The following XKR9 variants were observed in gnomAD, a reference collection of about 807,000 sequenced individuals.
XKR9 encodes XK related 9, also known as XK-related protein 9.
XKR9 carries 32 observed loss-of-function variants against 32.0 expected under a neutral mutation model. The observed-to-expected ratio is 1.00, with a 90% CI of 0.76 to 1.34. XKR9 has a LOEUF of 1.34. Ranked by LOEUF, XKR9 falls within the 40% of genes most tolerant of loss-of-function variation. The pLI, the probability that XKR9 is intolerant of heterozygous loss-of-function variation, is 0.00. For synonymous variants in XKR9, 168 were observed against 143.4 expected, an observed-to-expected ratio of 1.17 and a Z score of -1.22; for missense variants, 546 against 429.7, an observed-to-expected ratio of 1.27 and a Z score of -2.39.
chr8:70,947,182 G>C, the XKR9 span, among the ~76,000 whole-genome samples: 5 of 152,312 alleles, frequency 3.3e-5, no homozygotes, highest in East Asian at 9.6e-4. Flanking sequence ...TCTATCTGAA[G>C]ACCTGAAAAT....
At chr8:70,772,068 A>G (rs574018945) in intron 2 of XKR9, among the ~76,000 whole-genome samples, 1 of 152,348 alleles carries the variant, frequency 6.6e-6, no homozygotes, top group African/African-American at 2.4e-5. Flanking sequence ...GAGATGGTCC[A>G]TCCAAGTACC....
At chr8:70,766,320 C>T (rs1203384649) in intron 2 of XKR9, among the ~76,000 whole-genome samples, 1 of 152,180 alleles carries the variant, frequency 6.6e-6, no homozygotes, top group Admixed American at 6.5e-5. Context: ...AGGTCCTTTA[C>T]ATCCTTTGTA....
the XKR9 span, among the ~76,000 whole-genome samples, chr8:71,006,347 G>A: frequency 6.6e-6 from 1 of 151,322 alleles, no homozygotes; most frequent in African/African-American, 2.4e-5. Context: ...TTTTTTTTTA[G>A]CTCACTAGCT....
At chr8:70,877,981 C>T in the XKR9 span, among the ~76,000 whole-genome samples, 1 of 152,176 alleles carries the variant, frequency 6.6e-6, no homozygotes, top group African/African-American at 2.4e-5. Context: ...ACCCTATAAG[C>T]CAGAAGAGAG....
At chr8:70,952,153 TACAC>T in the XKR9 span, among the ~76,000 whole-genome samples, 38,142 of 147,992 alleles carry the variant, frequency 0.26, 5,664 homozygotes, top group Admixed American at 0.38. Flanking sequence ...AGAAAACCTT[TACAC>T]ACACACACAC....
At chr8:70,828,222 ATTGT>A in the XKR9 span, among the ~76,000 whole-genome samples, 4 of 152,222 alleles carry the variant, frequency 2.6e-5, no homozygotes, top group Admixed American at 1.3e-4. Flanking sequence ...CAAACAGCAC[ATTGT>A]TTGGTTTGTA....
the XKR9 span, among the ~76,000 whole-genome samples, chr8:70,905,866 G>T: frequency 2.6e-4 from 39 of 152,234 alleles, no homozygotes; most frequent in African/African-American, 9.2e-4. Flanking sequence ...CTCAGCTGCA[G>T]GTCTGTTGGA....
chr8:70,794,914 A>G (rs185930857), downstream of XKR9, among the ~76,000 whole-genome samples: 595 of 151,666 alleles, frequency 3.9e-3, 5 homozygotes, highest in African/African-American at 0.014. Context: ...GAAAGTTTTG[A>G]TTCTCTTCTG....
the XKR9 span, among the ~76,000 whole-genome samples, chr8:70,976,807 T>G: frequency 3.3e-5 from 5 of 152,226 alleles, no homozygotes; most frequent in Non-Finnish European, 7.3e-5. Context: ...CAGCTCCTGT[T>G]TGTACCTGTG....
At chr8:71,014,283 C>T in the XKR9 span, among the ~76,000 whole-genome samples, 5 of 152,170 alleles carry the variant, frequency 3.3e-5, no homozygotes, top group East Asian at 7.7e-4. Flanking sequence ...ATTCATTTTC[C>T]GGGGCTGCTG....
intron 2 of XKR9, among the ~76,000 whole-genome samples, chr8:70,750,478 T>C (rs934873733): frequency 6.6e-6 from 1 of 152,210 alleles, no homozygotes; most frequent in South Asian, 2.1e-4. Flanking sequence ...AATAACTGAT[T>C]GGTTACCACT....
intron 4 of XKR9, among the ~76,000 whole-genome samples, chr8:70,720,653 T>A (rs1159517554): frequency 2.6e-5 from 4 of 152,224 alleles, no homozygotes; most frequent in Non-Finnish European, 4.4e-5. Context: ...TGAAGCTGAC[T>A]TGATCGTGGT....
At chr8:70,703,598 G>A (rs1033373053) in intron 3 of XKR9, among the ~76,000 whole-genome samples, 4 of 152,046 alleles carry the variant, frequency 2.6e-5, no homozygotes, top group African/African-American at 7.2e-5. Flanking sequence ...AGGTTTCAAC[G>A]TATGAATTTT....
the XKR9 span, among the ~76,000 whole-genome samples, chr8:70,945,137 TG>T: frequency 6.6e-6 from 1 of 152,234 alleles, no homozygotes; most frequent in East Asian, 1.9e-4. Flanking sequence ...ACTTTATCAT[TG>T]TTAATTTGAA....
chr8:71,061,053 G>T, the XKR9 span, among the ~76,000 whole-genome samples: 35 of 152,328 alleles, frequency 2.3e-4, no homozygotes, highest in African/African-American at 8.2e-4. Flanking sequence ...ATCCCATGAG[G>T]TAGGTAGTTT....
intron 3 of XKR9, among the ~76,000 whole-genome samples, chr8:70,691,752 A>T (rs1178640417): frequency 6.6e-6 from 1 of 151,928 alleles, no homozygotes; most frequent in African/African-American, 2.4e-5. Context: ...TGGGCTCATT[A>T]TTCTGTTCCA....
intron 2 of XKR9, among the ~76,000 whole-genome samples, chr8:70,764,461 CT>C (rs2130216107): frequency 6.6e-6 from 1 of 152,298 alleles, no homozygotes; most frequent in Admixed American, 6.5e-5. Flanking sequence ...CCAAAGTGCA[CT>C]GGCAAAGAAA....
At chr8:70,993,844 G>A in the XKR9 span, among the ~76,000 whole-genome samples, 1 of 152,078 alleles carries the variant, frequency 6.6e-6, no homozygotes, top group Non-Finnish European at 1.5e-5. Flanking sequence ...GTATGTTTGG[G>A]GGGTGGCCTT....
At chr8:70,885,492 C>T in the XKR9 span, among the ~76,000 whole-genome samples, 17 of 151,082 alleles carry the variant, frequency 1.1e-4, no homozygotes, top group East Asian at 1.6e-3. Context: ...GGAGGTTTGC[C>T]GCACCTATCA....
Sources: gnomAD v4.1 joint callset for allele counts (sites outside exome capture counted in the v4.1 genomes callset) on GRCh38, gnomAD v4.1.1 for gene constraint, MANE v1.5 for transcripts, NCBI Gene and HGNC (gene_info 2026-07-23, HGNC 2026-07-21) for gene names.